DMBT1: variants seen among roughly 807,000 people sequenced by gnomAD.
DMBT1 encodes scavenger receptor cysteine-rich domain-containing protein DMBT1.
A neutral mutation model predicts 252.9 loss-of-function variants in DMBT1; 198 were observed. The ratio of observed to expected loss-of-function variants is 0.78; its 90% CI spans 0.70 to 0.88. The LOEUF (loss-of-function observed/expected upper bound fraction) is 0.88, where lower values mean the gene tolerates loss of function less well. Ranked by LOEUF, DMBT1 falls within the 40% of genes least tolerant of loss-of-function variation. The pLI is 0.00. For missense variants in DMBT1, 2,432 were observed against 2,404.7 expected (o/e 1.01, Z -0.24); for synonymous variants, 990 against 942.7 (o/e 1.05, Z -0.92).
chr10:122,620,507 G>A (rs945419953), intron 43 of DMBT1, among the ~76,000 whole-genome samples: 1 of 152,204 alleles, frequency 6.6e-6, no homozygotes, highest in Non-Finnish European at 1.5e-5. Flanking sequence ...TCTGTTTTAT[G>A]TAGTCAGGAA....
intron 4 of DMBT1, 151 bp from the exon 5 acceptor site, chr10:122,572,163 A>C: frequency 1.9e-6 from 2 of 1,078,518 alleles, no homozygotes; most frequent in Non-Finnish European, 1.4e-6. Flanking sequence ...GTACAGTGAC[A>C]GAGTGATTGG....
In DMBT1 at chr10:122,640,022, C is replaced by T. The variant is rs1467867666; in HGVS notation, c.6943-18C>T. 4 of 1,607,492 alleles carry T rather than the reference C, an allele frequency of 2.5e-6. No homozygotes were observed. Among genetic ancestry groups the T allele is most frequent in the African/African-American group, 2.7e-5 (2 of 74,974 alleles). On this transcript the variant is annotated intron_variant, in intron 54 of 55. Transcript: ENST00000338354. The stretch of plus-strand genomic sequence containing the variant: ...GGTGACATGTGCCTGACTCTGCTCT[C>T]TTGCCTGCCTCTCCTAGGCAGACAA...
chr10:122,635,901 G>T, intron 52 of DMBT1, 90 bp from the exon 53 acceptor site: 5 of 1,378,894 alleles, frequency 3.6e-6, no homozygotes, highest in Non-Finnish European at 5.1e-6. Context: ...AGAGTTTCTG[G>T]CACAGAGGTG....
intron 41 of DMBT1, among the ~76,000 whole-genome samples, chr10:122,618,936 G>C (rs765677674): frequency 6.6e-6 from 1 of 152,242 alleles, no homozygotes; most frequent in Admixed American, 6.5e-5. Context: ...GTCTGGCCAG[G>C]CATGGCCTTG....
rs188301026 is a variant in DMBT1 at position 122,591,029 on chromosome 10, C to T, written c.2137+335C>T. Among the ~76,000 whole-genome samples the T allele has an allele frequency of 2.3e-3, 348 of 148,754 alleles. 3 individuals carry two copies. The highest frequency in any genetic ancestry group is 7.6e-3 in the African/African-American group (315 of 41,190). On this transcript the variant is annotated intron_variant, in intron 18 of 55. Coordinates refer to ENST00000338354, the MANE Select transcript of DMBT1 (RefSeq NM_001377530.1). ...GACACCCCCAGATGCGGCAGGGCCC[C>T]ATCTACCTCCAGACAGGCAGAGGCT...
chr10:122,634,098 A>C (rs2098189759), intron 52 of DMBT1, among the ~76,000 whole-genome samples: 1 of 152,226 alleles, frequency 6.6e-6, no homozygotes, highest in South Asian at 2.1e-4. Flanking sequence ...TGATAGCGCC[A>C]GTGCACTCCA....
At chr10:122,572,409 C>T (rs761939364) in intron 5 of DMBT1, 48 bp downstream of exon 5, 1 of 1,603,176 alleles carries the variant, frequency 6.2e-7, no homozygotes, top group South Asian at 1.1e-5. Flanking sequence ...CCCCTCTGTA[C>T]TCCTAGATTC....
Position 122,601,972 on chromosome 10 carries a change from A to G in DMBT1, c.3519A>G (p.Gly1173=). The part of the protein sequence containing the change: ...LGCGWAMSAP[G]NARFGQGSGP... ...GTGGCTGGGCCATGTCAGCCCCAGG[A>G]AATGCCCGGTTTGGCCAGGGTTCAG... The change falls in exon 29 of 56, where the codon GGA becomes GGG. Residue 1173 remains glycine (G), a synonymous_variant. Transcript: ENST00000338354. The G allele has an allele frequency of 2.8e-6, 4 of 1,406,918 alleles. 1 individual carries two copies. Among genetic ancestry groups the G allele is most frequent in the Non-Finnish European group, 3.7e-6 (4 of 1,085,362 alleles). The allele number at this position is 1,406,918 out of a possible 1,614,324, so 87.2% of individuals were successfully genotyped here. A position where few individuals can be genotyped will look rare whatever the true frequency, so the allele number is the denominator to read the frequency against.
chr10:122,598,079 A>G, intron 25 of DMBT1, 67 bp downstream of exon 25: 1 of 1,608,516 alleles, frequency 6.2e-7, no homozygotes. Context: ...TTTTCTGAAA[A>G]TGATAGGATG....
intron 46 of DMBT1, among the ~76,000 whole-genome samples, chr10:122,626,315 G>C (rs1385123109): frequency 6.6e-6 from 1 of 151,942 alleles, no homozygotes; most frequent in Non-Finnish European, 1.5e-5. Context: ...AAAATAATAG[G>C]GATACTTTTC....
chr10:122,636,013 G>T lies in DMBT1; in HGVS notation c.6571G>T (p.Asp2191Tyr). 1 of 1,613,994 alleles carries T rather than the reference G, an allele frequency of 6.2e-7. No homozygotes were observed. Among genetic ancestry groups the T allele is most frequent in the Non-Finnish European group, 8.5e-7 (1 of 1,179,898 alleles). The change falls in exon 53 of 56, where the codon GAT (aspartate) becomes TAT (tyrosine). Residue 2191 changes from aspartate (D) to tyrosine (Y), a missense_variant. This residue lies in a region of DMBT1 where 1,162 missense variants were observed against 1,169.0 expected (regional missense o/e 0.99). Transcript: ENST00000338354. ...DVQLEGGCNY[D>Y]YIEVFDGPYR... The stretch of plus-strand genomic sequence containing the variant: ...CAGGCTTGAAGGTGGCTGCAACTAT[G>T]ATTATATTGAAGTTTTCGATGGCCC...
intron 1 of DMBT1, among the ~76,000 whole-genome samples, chr10:122,561,830 C>T (rs988360898): frequency 6.6e-6 from 1 of 150,916 alleles, no homozygotes; most frequent in Non-Finnish European, 1.5e-5. Context: ...TTTCCTCCCT[C>T]CCTCCTCCTC....
In DMBT1 at chr10:122,630,291, G is replaced by T; in HGVS notation, c.5826G>T (p.Leu1942Phe). 6.2e-7 allele frequency: 1 copy of T among 1,613,404 alleles called. No homozygotes were observed. Reference protein sequence around the residue: ...RINLGFSNLKLEAHHNCSFDY... With the variant: ...RINLGFSNLKFEAHHNCSFDY... ...TGAATACATTTTCTCCATACAGATT[G>T]GAGGCACACCATAACTGCAGTTTTG... Residue 1942 changes from leucine to phenylalanine, a missense_variant, in exon 48 of 56, where the codon TTG becomes TTT. Leu to Phe is a conservative substitution (Grantham distance 22, BLOSUM62 0). Coordinates refer to ENST00000338354, the MANE Select transcript of DMBT1 (RefSeq NM_001377530.1).
chr10:122,637,422 C>A, intron 54 of DMBT1, 110 bp downstream of exon 54: 2 of 1,241,988 alleles, frequency 1.6e-6, no homozygotes, highest in South Asian at 1.6e-5. Flanking sequence ...TTGGGATAAT[C>A]AGGACATAAT....
intron 46 of DMBT1, among the ~76,000 whole-genome samples, chr10:122,629,525 A>G (rs1394441953): frequency 6.6e-6 from 1 of 152,224 alleles, no homozygotes; most frequent in Non-Finnish European, 1.5e-5. Context: ...TAGCTGATTG[A>G]ACAATGATAG....
intron 46 of DMBT1, among the ~76,000 whole-genome samples, chr10:122,626,488 A>T (rs746993914): frequency 7.2e-5 from 11 of 152,148 alleles, no homozygotes; most frequent in Non-Finnish European, 1.3e-4. Context: ...TTTATAGATA[A>T]TTTTTTTGCA....
At chr10:122,627,832 T>G (rs926163939) in intron 46 of DMBT1, among the ~76,000 whole-genome samples, 6 of 152,200 alleles carry the variant, frequency 3.9e-5, no homozygotes, top group Non-Finnish European at 8.8e-5. Flanking sequence ...AAGTGACTCT[T>G]GTAGTCAATG....
intron 46 of DMBT1, among the ~76,000 whole-genome samples, chr10:122,628,264 A>G (rs753146253): frequency 6.6e-6 from 1 of 152,254 alleles, no homozygotes; most frequent in Non-Finnish European, 1.5e-5. Flanking sequence ...TGTGAATGCA[A>G]TGCAAATGTC....
chr10:122,580,954 C>G, intron 11 of DMBT1, 59 bp downstream of exon 11: 7 of 1,586,230 alleles, frequency 4.4e-6, no homozygotes, highest in Non-Finnish European at 6.0e-6. Context: ...ATCACCCCTT[C>G]CACACTCCAC....
Sources: allele counts gnomAD v4.1 joint callset (sites outside exome capture counted in the v4.1 genomes callset), GRCh38; gene constraint gnomAD v4.1.1; regional missense constraint gnomAD v4.1.1; transcripts MANE v1.5; gene names NCBI Gene and HGNC (gene_info 2026-07-23, HGNC 2026-07-21).